The following TSHZ1 variants were observed in gnomAD, a reference collection of about 807,000 sequenced individuals.
TSHZ1 encodes the protein teashirt zinc finger homeobox 1, also known as teashirt homolog 1.
Under a neutral mutation model 67.1 loss-of-function variants are expected in TSHZ1, and 12 were observed. The ratio of observed to expected loss-of-function variants is 0.18; its 90% CI spans 0.11 to 0.29. TSHZ1 has a LOEUF of 0.29. Ranked by LOEUF, TSHZ1 falls within the 10% of genes least tolerant of loss-of-function variation. TSHZ1 has a pLI of 1.00. For synonymous variants in TSHZ1, 632 were observed against 622.4 expected, an observed-to-expected ratio of 1.02 and a Z score of -0.23; for missense variants, 1,305 against 1,413.9, an observed-to-expected ratio of 0.92 and a Z score of 1.23.
intron 1 of TSHZ1, among the ~76,000 whole-genome samples, chr18:75,223,220 A>G (rs1384328357): frequency 6.6e-6 from 1 of 152,204 alleles, no homozygotes; most frequent in Admixed American, 6.5e-5. Context: ...ATATATATAA[A>G]TTCGTTTGTC....
intron 1 of TSHZ1, among the ~76,000 whole-genome samples, chr18:75,250,191 G>C (rs1416200803): frequency 6.7e-6 from 1 of 148,868 alleles, no homozygotes. Context: ...AGGTGGGGGG[G>C]TGACCTCCCC....
chr18:75,279,746 G>A (rs1195354801), intron 1 of TSHZ1, among the ~76,000 whole-genome samples: 1 of 152,160 alleles, frequency 6.6e-6, no homozygotes, highest in Non-Finnish European at 1.5e-5. Flanking sequence ...TTAAAACACA[G>A]TAACAATTAA....
intron 1 of TSHZ1, chr18:75,245,422 A>G (rs2023209620): frequency 6.6e-6 from 1 of 152,138 alleles, no homozygotes; most frequent in African/African-American, 2.4e-5. Context: ...TTAATTTTTA[A>G]CTATGTAATT....
At position 75,288,770 on chromosome 18, in the gene TSHZ1, A is replaced by G; in HGVS notation, c.*129A>G. The stretch of plus-strand genomic sequence containing the variant: ...CGCCTCTCTGGACCTTGGTTTTCTT[A>G]CACATATTTTGTATATTTATATGCT... On this transcript the variant is annotated 3_prime_UTR_variant, in exon 2 of 2. Transcript: ENST00000580243. This position sits in a 1 kb window ranked among gnomAD's most constrained non-coding sequence, Gnocchi z 4.9. 7.0e-7 allele frequency: 1 copy of G among 1,434,632 alleles called. No homozygotes were observed. Among genetic ancestry groups the G allele is most frequent in the African/African-American group, 1.4e-5 (1 of 69,692 alleles). 88.9% of individuals were successfully genotyped at this position (1,434,632 alleles called of 1,614,324 possible).
chr18:75,264,364 T>C (rs2023465442), intron 1 of TSHZ1, among the ~76,000 whole-genome samples: 1 of 152,214 alleles, frequency 6.6e-6, no homozygotes, highest in African/African-American at 2.4e-5. Context: ...TCTATCAAAA[T>C]AATTACTTTA....
chr18:75,214,449 G>C (rs1169617289), intron 1 of TSHZ1, among the ~76,000 whole-genome samples: 1 of 152,228 alleles, frequency 6.6e-6, no homozygotes, highest in Non-Finnish European at 1.5e-5. Context: ...TTCTGGAAAA[G>C]AAAGAGGGCA....
rs1394264989 is a variant in TSHZ1 at position 75,289,416 on chromosome 18, A to G, written c.*775A>G. Reference sequence around the variant, plus strand: ...AAAATGCTATTTCTTTTTTCCTGTAAAATATTGCAGTTTATAGTTATTTAC... The same window carrying G: ...AAAATGCTATTTCTTTTTTCCTGTAGAATATTGCAGTTTATAGTTATTTAC... On this transcript the variant is annotated 3_prime_UTR_variant, in exon 2 of 2. Coordinates refer to ENST00000580243, the MANE Select transcript of TSHZ1 (RefSeq NM_001308210.2). 1 of 166,958 alleles carries G rather than the reference A, an allele frequency of 6.0e-6. No homozygotes were observed. The highest frequency in any genetic ancestry group is 2.4e-5 in the African/African-American group (1 of 41,442). 10.3% of individuals were successfully genotyped at this position (166,958 alleles called of 1,614,324 possible).
intron 1 of TSHZ1, among the ~76,000 whole-genome samples, chr18:75,262,579 T>C (rs939543503): frequency 1.3e-5 from 2 of 152,212 alleles, no homozygotes; most frequent in Non-Finnish European, 2.9e-5. Flanking sequence ...ATTTATTCTC[T>C]ATAAAATACG....
chr18:75,240,476 G>C (rs1050253592), intron 1 of TSHZ1, among the ~76,000 whole-genome samples: 1 of 152,122 alleles, frequency 6.6e-6, no homozygotes, highest in East Asian at 1.9e-4. Context: ...AAGAGGGTTG[G>C]GTTGCTTGTG....
rs1489268561 is a variant in TSHZ1 at position 75,264,500 on chromosome 18, T to C, written c.41-20948T>C. On this transcript the variant is annotated intron_variant, in intron 1 of 1. Transcript: ENST00000580243. The stretch of plus-strand genomic sequence containing the variant: ...CACTGACAGATTTTTTTTTTTTTTT[T>C]TTTAAGTGTAGGAGAAGGAGAAGAA... 6.9e-5 allele frequency among the ~76,000 whole-genome samples: 9 copies of C among 131,038 alleles called. No individual in the cohort carries two copies. In the East Asian group the frequency reaches 1.5e-3, roughly 22 times the overall value. 86.0% of individuals were successfully genotyped at this position (131,038 alleles called of 152,430 possible).
chr18:75,275,992 T>C (rs1265617228), intron 1 of TSHZ1, among the ~76,000 whole-genome samples: 1 of 152,190 alleles, frequency 6.6e-6, no homozygotes, highest in Non-Finnish European at 1.5e-5. Context: ...AAAATCAAAG[T>C]TTTTCATCTT....
chr18:75,215,156 G>A (rs2022749661), intron 1 of TSHZ1, among the ~76,000 whole-genome samples: 2 of 152,168 alleles, frequency 1.3e-5, no homozygotes, highest in Non-Finnish European at 2.9e-5. Context: ...TATAGTTGCT[G>A]TGACTTAGAC....
chr18:75,212,695 A>C (rs1233299514), intron 1 of TSHZ1, among the ~76,000 whole-genome samples: 1 of 152,184 alleles, frequency 6.6e-6, no homozygotes, highest in Non-Finnish European at 1.5e-5. Flanking sequence ...TATCAGGGCA[A>C]CTTTTCTCTC....
At chr18:75,246,954 G>A (rs2023232302) in intron 1 of TSHZ1, among the ~76,000 whole-genome samples, 1 of 152,284 alleles carries the variant, frequency 6.6e-6, no homozygotes, top group Non-Finnish European at 1.5e-5. Flanking sequence ...AGCCCTGCTT[G>A]AAAATGCTGT....
At chr18:75,250,148 G>T (rs1483228071) in intron 1 of TSHZ1, among the ~76,000 whole-genome samples, 1 of 147,822 alleles carries the variant, frequency 6.8e-6, no homozygotes, top group African/African-American at 2.5e-5. Flanking sequence ...TAGGTGGGGG[G>T]TGACTTCCTC....
chr18:75,282,773 G>A (rs1032099988), intron 1 of TSHZ1: 6 of 152,196 alleles, frequency 3.9e-5, no homozygotes, highest in African/African-American at 1.2e-4. Context: ...ATCCGCATAC[G>A]GTATGTGGAT....
chr18:75,259,203 T>G (rs1223494243), intron 1 of TSHZ1, among the ~76,000 whole-genome samples: 1 of 152,190 alleles, frequency 6.6e-6, no homozygotes, highest in Non-Finnish European at 1.5e-5. Context: ...TCGCGATCAT[T>G]GCTCCAGAGA....
At chr18:75,275,413 C>T (rs1299528957) in intron 1 of TSHZ1, among the ~76,000 whole-genome samples, 2 of 152,110 alleles carry the variant, frequency 1.3e-5, no homozygotes, top group Non-Finnish European at 2.9e-5. Flanking sequence ...GTAGATTTGG[C>T]GACGTTTGTT....
At chr18:75,253,281 G>A (rs2023325453) in intron 1 of TSHZ1, among the ~76,000 whole-genome samples, 1 of 152,206 alleles carries the variant, frequency 6.6e-6, no homozygotes, top group Non-Finnish European at 1.5e-5. Context: ...GCCTTTGTAT[G>A]TGGTAGCTAG....
Sources: gnomAD v4.1 joint callset for allele counts (sites outside exome capture counted in the v4.1 genomes callset) on GRCh38, gnomAD v4.1.1 for gene constraint, Gnocchi (gnomAD v3.1) non-coding constraint, MANE v1.5 for transcripts, NCBI Gene and HGNC (gene_info 2026-07-23, HGNC 2026-07-21) for gene names.